UGT1A3: variants seen among roughly 807,000 people sequenced by gnomAD.
UGT1A3 encodes UDP glucuronosyltransferase family 1 member A3.
Under a neutral mutation model 41.0 loss-of-function variants are expected in UGT1A3, and 31 were observed. The observed-to-expected ratio is 0.76, with a 90% CI of 0.57 to 1.02. The LOEUF (loss-of-function observed/expected upper bound fraction) is 1.02, where lower values mean the gene tolerates loss of function less well. Among genes scored for constraint, UGT1A3 ranks in the 50% least tolerant of loss-of-function variants. The probability of loss-of-function intolerance (pLI) is 0.00; values close to 1 mark genes in which losing one functional copy is unlikely to be tolerated. For synonymous variants in UGT1A3, 262 were observed against 257.6 expected (o/e 1.02, Z -0.17); for missense variants, 737 against 671.0 (o/e 1.10, Z -1.09).
Position 233,772,534 on chromosome 2 carries a change from A to T in UGT1A3, c.1580A>T (p.Lys527Ile). 6.2e-7 allele frequency: 1 copy of T among 1,614,216 alleles called. No homozygotes were observed. Among genetic ancestry groups the T allele is most frequent in the South Asian group, 1.1e-5 (1 of 91,086 alleles). The change falls in exon 5 of 5, where the codon AAA becomes ATA. Residue 527 changes from lysine to isoleucine, a missense_variant. Lys to Ile is a moderately radical substitution (Grantham distance 102). Transcript: ENST00000482026. The stretch of plus-strand genomic sequence containing the variant: ...TTGGGGAAAAAAGGGCGAGTTAAGA[A>T]AGCCCACAAATCCAAGACCCATTGA... ...KCLGKKGRVK[K>I]AHKSKTH
intron 1 of UGT1A3, chr2:233,747,252 C>T (rs766084078): frequency 6.9e-6 from 11 of 1,600,814 alleles, no homozygotes; most frequent in Non-Finnish European, 9.4e-6. Context: ...TGTGGCTGGC[C>T]ACAGGAGTGC....
intron 1 of UGT1A3, among the ~76,000 whole-genome samples, chr2:233,765,881 T>G (rs1234531270): frequency 6.6e-6 from 1 of 152,054 alleles, no homozygotes; most frequent in Non-Finnish European, 1.5e-5. Flanking sequence ...GGGCTCACTT[T>G]CTCAGTGCGC....
chr2:233,747,064 G>A (rs904041772), intron 1 of UGT1A3: 9 of 934,146 alleles, frequency 9.6e-6, no homozygotes, highest in African/African-American at 1.7e-5. Flanking sequence ...TTGGTTAATC[G>A]GTAATAATTA....
rs1491042837 is a variant in UGT1A3 at position 233,757,562 on chromosome 2, G to GTATATATATATATATATATA, written c.868-9465_868-9464insATATATATATATATATATAT. On this transcript the variant is annotated intron_variant, in intron 1 of 4. Coordinates refer to ENST00000482026, the MANE Select transcript of UGT1A3 (RefSeq NM_019093.4). ...TATATATATATATATATATATATAT[G>GTATATATATATATATATATA]TATATATGATATAGCTATAGTCTAA... 3.3e-5 allele frequency among the ~76,000 whole-genome samples: 3 copies of GTATATATATATATATATATA among 90,870 alleles called. 1 individual carries two copies. The highest frequency in any genetic ancestry group is 1.5e-4 in the African/African-American group (3 of 19,494). The allele number at this position is 90,870 out of a possible 152,430, so 59.6% of individuals were successfully genotyped here. A position where few individuals can be genotyped will look rare whatever the true frequency, so the allele number is the denominator to read the frequency against.
rs745603293 is a variant in UGT1A3, at chr2:233,772,357, G to A, written c.1403G>A (p.Arg468Lys). Residue 468 changes from arginine (R) to lysine (K), a missense_variant, in exon 5 of 5, where the codon AGG becomes AAG. Coordinates refer to ENST00000482026, the MANE Select transcript of UGT1A3 (RefSeq NM_019093.4). ...LAVFWVEFVM[R>K]HKGAPHLRPA... The stretch of plus-strand genomic sequence containing the variant: ...GTGTTCTGGGTGGAGTTTGTGATGA[G>A]GCACAAGGGCGCGCCACACCTGCGC... The A allele has an allele frequency of 1.4e-5, 22 of 1,614,268 alleles. No individual in the cohort carries two copies. The highest frequency in any genetic ancestry group is 1.8e-5 in the Non-Finnish European group (21 of 1,180,054).
chr2:233,767,753 C>G, intron 2 of UGT1A3, 96 bp from the exon 3 acceptor site: 1 of 1,599,056 alleles, frequency 6.3e-7, no homozygotes, highest in Non-Finnish European at 8.5e-7. Context: ...AAGACTGTTC[C>G]TTCAGAGGAC....
In UGT1A3 at chr2:233,769,879, A is replaced by C; in HGVS notation, c.1307+1440A>C. 5 of 413,904 alleles carry C rather than the reference A, an allele frequency of 1.2e-5. No individual in the cohort carries two copies. The highest frequency in any genetic ancestry group is 4.6e-5 in the East Asian group (1 of 21,696). 25.6% of individuals were successfully genotyped at this position (413,904 alleles called of 1,614,324 possible). ...TCTCAAAAAAAAAAAAAAAAATGAA[A>C]AGTCCACATAACCTGAGCATCATGT... On this transcript the variant is annotated intron_variant, in intron 4 of 4. Coordinates refer to ENST00000482026, the MANE Select transcript of UGT1A3 (RefSeq NM_019093.4). The surrounding 1 kb of genome is among the most constrained non-coding windows in gnomAD (Gnocchi z 4.4).
At chr2:233,747,331 C>T in intron 1 of UGT1A3, 1 of 1,603,324 alleles carries the variant, frequency 6.2e-7, no homozygotes. Flanking sequence ...TGATGGCAGC[C>T]ACTGGCTCGC....
chr2:233,743,731 G>T (rs373030535), intron 1 of UGT1A3: 5 of 1,367,244 alleles, frequency 3.7e-6, no homozygotes, highest in African/African-American at 3.0e-5. Context: ...CATAGATATC[G>T]CGTTTCTTGG....
intron 4 of UGT1A3, among the ~76,000 whole-genome samples, chr2:233,768,799 G>A (rs1295681406): frequency 1.3e-5 from 2 of 151,984 alleles, no homozygotes; most frequent in East Asian, 3.9e-4. Flanking sequence ...TGTCAGGCTG[G>A]TCTTGAACTC....
intron 1 of UGT1A3, among the ~76,000 whole-genome samples, chr2:233,739,394 A>AC (rs1399840083): frequency 1.3e-5 from 2 of 152,222 alleles, no homozygotes; most frequent in Non-Finnish European, 1.5e-5. Flanking sequence ...AGCCACAGAC[A>AC]TCAATGCCAC....
intron 1 of UGT1A3, among the ~76,000 whole-genome samples, chr2:233,766,746 G>A (rs1202459280): frequency 2.0e-5 from 3 of 152,150 alleles, no homozygotes; most frequent in Non-Finnish European, 4.4e-5. Context: ...GTACAGGTGT[G>A]TGCATGTGTG....
intron 1 of UGT1A3, among the ~76,000 whole-genome samples, chr2:233,744,706 AC>A (rs1231946729): frequency 1.3e-5 from 2 of 151,886 alleles, no homozygotes; most frequent in Non-Finnish European, 2.9e-5. Context: ...TCCACTGTAC[AC>A]TTGTGAGAGA....
intron 1 of UGT1A3, among the ~76,000 whole-genome samples, chr2:233,746,102 A>G (rs1005721725): frequency 1.5e-4 from 23 of 151,842 alleles, no homozygotes; most frequent in African/African-American, 5.4e-4. Flanking sequence ...ACATGTCCAG[A>G]GTGCTTACTG....
chr2:233,743,701 C>T (rs13009407), intron 1 of UGT1A3: 1 of 1,367,252 alleles, frequency 7.3e-7, no homozygotes, highest in Admixed American at 1.9e-5. Context: ...CGCCCTCCGC[C>T]CCCGCCTCGC....
At chr2:233,730,438 G>A (rs1247930586) in intron 1 of UGT1A3, among the ~76,000 whole-genome samples, 7 of 152,192 alleles carry the variant, frequency 4.6e-5, no homozygotes, top group African/African-American at 7.2e-5. Context: ...GTCCCATCTT[G>A]CAAATGATAG....
At chr2:233,767,774 T>A in intron 2 of UGT1A3, 75 bp from the exon 3 acceptor site, 1 of 1,612,214 alleles carries the variant, frequency 6.2e-7, no homozygotes, top group Non-Finnish European at 8.5e-7. Context: ...CCCTGTTTTC[T>A]AGTTAGTATA....
At chr2:233,750,789 A>G (rs555312200) in intron 1 of UGT1A3, 1 of 151,930 alleles carries the variant, frequency 6.6e-6, no homozygotes, top group African/African-American at 2.4e-5. Context: ...TACACAGAAG[A>G]TAAGAATTTA....
chr2:233,755,064 C>A, intron 1 of UGT1A3: 1 of 1,335,842 alleles, frequency 7.5e-7, no homozygotes, highest in African/African-American at 1.5e-5. Flanking sequence ...CCTCGCCTCG[C>A]CATAGCGGTC....
Sources: allele counts gnomAD v4.1 joint callset (sites outside exome capture counted in the v4.1 genomes callset), GRCh38; gene constraint gnomAD v4.1.1; non-coding constraint Gnocchi (gnomAD v3.1); transcripts MANE v1.5; gene names NCBI Gene and HGNC (gene_info 2026-07-23, HGNC 2026-07-21).